VPS13C: variants seen among roughly 807,000 people sequenced by gnomAD.
VPS13C encodes the protein intermembrane lipid transfer protein VPS13C.
Under a neutral mutation model 456.8 loss-of-function variants are expected in VPS13C, and 358 were observed. The ratio of observed to expected loss-of-function variants is 0.78; its 90% CI spans 0.72 to 0.86. VPS13C has a LOEUF of 0.86. Ranked by LOEUF, VPS13C falls within the 40% of genes least tolerant of loss-of-function variation. VPS13C has a pLI of 0.00. For missense variants in VPS13C, 4,818 were observed against 4,385.4 expected (o/e 1.10, Z -2.79); for synonymous variants, 1,578 against 1,486.7 (o/e 1.06, Z -1.41).
chr15:61,983,641 A>T, intron 20 of VPS13C, 179 bp downstream of exon 20: 1 of 606,668 alleles, frequency 1.6e-6, no homozygotes, highest in Non-Finnish European at 2.7e-6. Context: ...AATGTATTGC[A>T]TATGAAAAAA....
intron 81 of VPS13C, chr15:61,866,927 G>C: frequency 1.0e-6 from 1 of 984,458 alleles, no homozygotes; most frequent in Non-Finnish European, 1.2e-6. Flanking sequence ...CATTTCTGAG[G>C]AGAAGCATGA....
intron 1 of VPS13C, among the ~76,000 whole-genome samples, chr15:62,054,994 A>G (rs2048740620): frequency 1.3e-5 from 2 of 152,244 alleles, no homozygotes; most frequent in Admixed American, 1.3e-4. Flanking sequence ...AGGGTCCCAC[A>G]GCTAATAAAT....
At chr15:61,926,713 G>A (rs1042972177) in intron 52 of VPS13C, among the ~76,000 whole-genome samples, 4 of 152,052 alleles carry the variant, frequency 2.6e-5, no homozygotes, top group South Asian at 2.1e-4. Flanking sequence ...GAACACCACC[G>A]CTTTTGGCGA....
At chr15:61,891,011 C>T (rs2042634924) in intron 66 of VPS13C, among the ~76,000 whole-genome samples, 1 of 152,152 alleles carries the variant, frequency 6.6e-6, no homozygotes, top group Non-Finnish European at 1.5e-5. Flanking sequence ...AGCGTCATCG[C>T]ACTCCAGCCT....
intron 78 of VPS13C, 30 bp from the exon 79 acceptor site, chr15:61,872,064 A>G: frequency 6.2e-7 from 1 of 1,602,118 alleles, no homozygotes; most frequent in South Asian, 1.1e-5. Flanking sequence ...TATAGTTTAG[A>G]CTGAATGGAA....
chr15:62,006,380 T>C (rs1319192458), intron 15 of VPS13C, among the ~76,000 whole-genome samples: 1 of 152,112 alleles, frequency 6.6e-6, no homozygotes, highest in African/African-American at 2.4e-5. Context: ...TTGCGATAGT[T>C]TGCTGAGAAT....
chr15:61,910,588 T>G (rs1042183202), intron 63 of VPS13C, among the ~76,000 whole-genome samples: 4 of 152,138 alleles, frequency 2.6e-5, no homozygotes, highest in African/African-American at 7.2e-5. Context: ...ATTATAAAAT[T>G]CATTTTAATT....
At chr15:62,003,735 G>A (rs1023633703) in intron 15 of VPS13C, among the ~76,000 whole-genome samples, 1 of 151,862 alleles carries the variant, frequency 6.6e-6, no homozygotes, top group African/African-American at 2.4e-5. Context: ...ATGAAGGGCT[G>A]TTGAATTTTG....
At chr15:61,865,524 CATAT>C (rs1566954851) in intron 81 of VPS13C, 81 of 941,594 alleles carry the variant, frequency 8.6e-5, no homozygotes, top group Non-Finnish European at 1.0e-4. Flanking sequence ...TATATACATA[CATAT>C]AATGTATGTA....
chr15:61,918,618 A>T (rs1252078414), intron 58 of VPS13C, among the ~76,000 whole-genome samples: 7 of 152,004 alleles, frequency 4.6e-5, no homozygotes, highest in Non-Finnish European at 1.0e-4. Context: ...GGATAGCAAA[A>T]AATCATGAGA....
intron 73 of VPS13C, among the ~76,000 whole-genome samples, chr15:61,879,144 T>C (rs1895675895): frequency 6.6e-6 from 1 of 152,082 alleles, no homozygotes; most frequent in South Asian, 2.1e-4. Flanking sequence ...TAGCAAGCTG[T>C]CAAGTTTTTA....
chr15:61,901,497 A>G (rs2042994273), intron 66 of VPS13C, among the ~76,000 whole-genome samples: 1 of 152,244 alleles, frequency 6.6e-6, no homozygotes, highest in Non-Finnish European at 1.5e-5. Context: ...TGCAGCCAAA[A>G]AACACATGAA....
intron 39 of VPS13C, 30 bp from the exon 40 acceptor site, chr15:61,951,054 A>C (rs761306288): frequency 2.1e-6 from 3 of 1,433,710 alleles, no homozygotes; most frequent in Non-Finnish European, 2.9e-6. Context: ...AAGTTGATCC[A>C]TCAATTAAAC....
Position 61,990,849 on chromosome 15 carries a change from A to G in VPS13C, c.1578+151T>C, listed in dbSNP as rs2046202302. 10 of 589,456 alleles carry G rather than the reference A, an allele frequency of 1.7e-5. No homozygotes were observed. The South Asian group carries it at 2.1e-4, about 12-fold the overall frequency. The allele number at this position is 589,456 out of a possible 1,614,324, so 36.5% of individuals were successfully genotyped here. A position where few individuals can be genotyped will look rare whatever the true frequency, so the allele number is the denominator to read the frequency against. ...AAATAAAGTTAGAGAGAGAATTTTA[A>G]TTGGTAAAACCTGACTGAAACATTC... On this transcript the variant is annotated intron_variant, in intron 18 of 84. Transcript: ENST00000644861.
Position 61,918,216 on chromosome 15 carries a change from A to C in VPS13C, c.7680T>G (p.Phe2560Leu). The change falls in exon 59 of 85, where the codon TTT (phenylalanine) becomes TTG (leucine). Residue 2560 changes from phenylalanine to leucine, a missense_variant. Physicochemically the swap from Phe to Leu is conservative, Grantham distance 22. Transcript: ENST00000644861. ...GCTCCAATAGCTTAACATTCTTAAC[A>C]AATTTATAGATGATAAATGCAATGG... is the stretch of plus-strand genomic sequence containing the variant. ...HFSIAFIIYK[F>L]VKNVKLLERI... 1 of 1,593,008 alleles carries C rather than the reference A, an allele frequency of 6.3e-7. No individual in the cohort carries two copies. The highest frequency in any genetic ancestry group is 8.5e-7 in the Non-Finnish European group (1 of 1,171,586).
chr15:62,049,662 G>GA (rs1334188241), intron 1 of VPS13C, among the ~76,000 whole-genome samples: 3 of 152,172 alleles, frequency 2.0e-5, no homozygotes, highest in Non-Finnish European at 4.4e-5. Context: ...GCTTGATGGG[G>GA]ATGGCATTGA....
intron 9 of VPS13C, among the ~76,000 whole-genome samples, chr15:62,015,386 T>C (rs1186738717): frequency 1.3e-5 from 2 of 152,116 alleles, no homozygotes; most frequent in Non-Finnish European, 2.9e-5. Flanking sequence ...ATTTTGGCTT[T>C]TGTTGCCATT....
chr15:62,008,546 T>G lies in VPS13C; in HGVS notation c.1118+109A>C, dbSNP rs928074485. On this transcript the variant is annotated intron_variant, in intron 14 of 84. Coordinates refer to ENST00000644861, the MANE Select transcript of VPS13C (RefSeq NM_020821.3). ...TTTGTCTTTTAATACTCTTGTCTCT[T>G]TTTTTAAAGTGGCTGAATTACTTGG... 4 of 607,892 alleles carry G rather than the reference T, an allele frequency of 6.6e-6. No homozygotes were observed. The African/African-American group carries it at 7.6e-5, about 12-fold the overall frequency. The allele number at this position is 607,892 out of a possible 1,614,324, so 37.7% of individuals were successfully genotyped here.
In VPS13C at chr15:61,920,433, CA is replaced by C. The variant is rs574615114; in HGVS notation, c.7212+64del. ...ATTTTTTGGAAACTAATTTTGATGA[CA>C]AAAAAATTATATGTTTCATTTTAAA... On this transcript the variant is annotated intron_variant, in intron 56 of 84. Coordinates refer to ENST00000644861, the MANE Select transcript of VPS13C (RefSeq NM_020821.3). 6.7e-6 allele frequency: 10 copies of C among 1,483,700 alleles called. No individual in the cohort carries two copies. In the Admixed American group the frequency reaches 9.7e-5, roughly 14 times the overall value. 91.9% of individuals were successfully genotyped at this position (1,483,700 alleles called of 1,614,324 possible).
Sources: allele counts gnomAD v4.1 joint callset (sites outside exome capture counted in the v4.1 genomes callset), GRCh38; gene constraint gnomAD v4.1.1; transcripts MANE v1.5; gene names NCBI Gene and HGNC (gene_info 2026-07-23, HGNC 2026-07-21).